The following ITGB3BP variants were observed in gnomAD, a reference collection of about 807,000 sequenced individuals.
ITGB3BP encodes the protein integrin subunit beta 3 binding protein.
Under a neutral mutation model 29.1 loss-of-function variants are expected in ITGB3BP, and 27 were observed. The ratio of observed to expected loss-of-function variants is 0.93; its 90% CI spans 0.68 to 1.28. The LOEUF (loss-of-function observed/expected upper bound fraction) is 1.28. Ranked by LOEUF, ITGB3BP falls within the 50% of genes most tolerant of loss-of-function variation. The pLI, the probability that ITGB3BP is intolerant of heterozygous loss-of-function variation, is 0.00. For synonymous variants in ITGB3BP, 61 were observed against 61.4 expected (o/e 0.99, Z 0.03); for missense variants, 192 against 200.2 (o/e 0.96, Z 0.25).
At chr1:63,521,396 T>C (rs1646441157) in intron 1 of ITGB3BP, among the ~76,000 whole-genome samples, 1 of 151,626 alleles carries the variant, frequency 6.6e-6, no homozygotes, top group South Asian at 2.1e-4. Flanking sequence ...GCAAAGTAAT[T>C]GCTAGTTTCA....
At chr1:63,460,815 G>C (rs972938360) in intron 4 of ITGB3BP, among the ~76,000 whole-genome samples, 3 of 152,118 alleles carry the variant, frequency 2.0e-5, no homozygotes, top group African/African-American at 7.2e-5. Flanking sequence ...TGTTTAAATA[G>C]ACATCCTCGT....
At chr1:63,512,290 T>C (rs1328657253) in intron 1 of ITGB3BP, among the ~76,000 whole-genome samples, 1 of 152,066 alleles carries the variant, frequency 6.6e-6, no homozygotes. Flanking sequence ...TAGCTTAACA[T>C]ATGGTAGTAT....
chr1:63,512,658 C>T (rs1388264461), intron 1 of ITGB3BP, among the ~76,000 whole-genome samples: 1 of 152,118 alleles, frequency 6.6e-6, no homozygotes, highest in Admixed American at 6.5e-5. Flanking sequence ...TCTCACTAAG[C>T]TTCATAAAGT....
chr1:63,518,953 GTAC>G (rs1646393471), intron 1 of ITGB3BP, among the ~76,000 whole-genome samples: 1 of 152,012 alleles, frequency 6.6e-6, no homozygotes, highest in African/African-American at 2.4e-5. Context: ...TAATAATACA[GTAC>G]TACTTCATGT....
At chr1:63,489,023 A>C (rs1386200643) in intron 3 of ITGB3BP, among the ~76,000 whole-genome samples, 3 of 152,048 alleles carry the variant, frequency 2.0e-5, no homozygotes, top group Non-Finnish European at 2.9e-5. Context: ...GGGATGTACA[A>C]TCTCTAAGGC....
chr1:63,476,322 C>G (rs1374439238), intron 4 of ITGB3BP, among the ~76,000 whole-genome samples: 2 of 151,944 alleles, frequency 1.3e-5, no homozygotes, highest in African/African-American at 2.4e-5. Context: ...TGCCACCATG[C>G]CCAGCTAATT....
intron 3 of ITGB3BP, among the ~76,000 whole-genome samples, chr1:63,479,501 T>C (rs1645401200): frequency 6.6e-6 from 1 of 152,130 alleles, no homozygotes; most frequent in Non-Finnish European, 1.5e-5. Flanking sequence ...GTATATAATA[T>C]GTTGTTATTA....
chr1:63,516,418 G>A (rs1193907521), intron 1 of ITGB3BP, among the ~76,000 whole-genome samples: 1 of 151,688 alleles, frequency 6.6e-6, no homozygotes. Flanking sequence ...AGAAAAAAGA[G>A]GAAAGGAAAG....
At chr1:63,503,759 T>C (rs1019652918) in intron 2 of ITGB3BP, among the ~76,000 whole-genome samples, 3 of 152,230 alleles carry the variant, frequency 2.0e-5, no homozygotes, top group African/African-American at 7.2e-5. Context: ...GCACCATTTA[T>C]TAAATAGGGA....
At chr1:63,488,553 T>G (rs1003257483) in intron 3 of ITGB3BP, among the ~76,000 whole-genome samples, 3 of 152,124 alleles carry the variant, frequency 2.0e-5, no homozygotes, top group Non-Finnish European at 4.4e-5. Flanking sequence ...CTCATTTATT[T>G]TGAACTTAAG....
intron 1 of ITGB3BP, among the ~76,000 whole-genome samples, chr1:63,514,778 T>A (rs983813067): frequency 2.0e-5 from 3 of 151,744 alleles, no homozygotes; most frequent in Admixed American, 1.3e-4. Context: ...AAAGCCCATC[T>A]CTCCTAAAAA....
chr1:63,465,762 T>C (rs989849037), intron 4 of ITGB3BP, among the ~76,000 whole-genome samples: 3 of 152,196 alleles, frequency 2.0e-5, no homozygotes, highest in Non-Finnish European at 2.9e-5. Context: ...TTTTGTGTTT[T>C]TAAGGGTCTC....
intron 2 of ITGB3BP, among the ~76,000 whole-genome samples, chr1:63,492,144 A>G (rs1645663707): frequency 1.3e-5 from 2 of 151,932 alleles, no homozygotes; most frequent in African/African-American, 4.8e-5. Flanking sequence ...CCTTGGAAAC[A>G]ATTTTCCAGC....
intron 7 of ITGB3BP, 79 bp from the exon 8 acceptor site, chr1:63,446,935 G>T: frequency 9.7e-7 from 1 of 1,026,570 alleles, no homozygotes; most frequent in Non-Finnish European, 1.5e-6. Context: ...CAGAATAAAT[G>T]TTGAAGCAAA....
chr1:63,491,976 A>G (rs1031811226), intron 2 of ITGB3BP, among the ~76,000 whole-genome samples: 1 of 152,152 alleles, frequency 6.6e-6, no homozygotes, highest in Non-Finnish European at 1.5e-5. Context: ...CTTTTCCAAG[A>G]ATTTATTGCC....
At chr1:63,452,944 A>G (rs1483037000) in intron 7 of ITGB3BP, among the ~76,000 whole-genome samples, 1 of 152,176 alleles carries the variant, frequency 6.6e-6, no homozygotes, top group African/African-American at 2.4e-5. Context: ...ATTATGTGCC[A>G]TGTTTGAATC....
At chr1:63,502,759 G>A (rs902995833) in intron 2 of ITGB3BP, among the ~76,000 whole-genome samples, 6 of 147,070 alleles carry the variant, frequency 4.1e-5, no homozygotes, top group Non-Finnish European at 7.4e-5. Context: ...GTGAGAACAC[G>A]CGGTGTTTGG....
At chr1:63,471,548 G>A (rs537279252) in intron 4 of ITGB3BP, among the ~76,000 whole-genome samples, 2 of 152,088 alleles carry the variant, frequency 1.3e-5, no homozygotes, top group South Asian at 2.1e-4. Flanking sequence ...GTCGTGCCCA[G>A]CCCCTAAAAG....
intron 7 of ITGB3BP, chr1:63,452,122 T>C (rs1011018926): frequency 1.3e-5 from 2 of 152,136 alleles, no homozygotes; most frequent in South Asian, 2.1e-4. Flanking sequence ...AATGAAGTTA[T>C]GTATTTTAGA....
Sources: gnomAD v4.1 joint callset for allele counts (sites outside exome capture counted in the v4.1 genomes callset) on GRCh38, gnomAD v4.1.1 for gene constraint, MANE v1.5 for transcripts, NCBI Gene and HGNC (gene_info 2026-07-23, HGNC 2026-07-21) for gene names.